The following PKHD1 variants were observed in gnomAD, a reference collection of about 807,000 sequenced individuals.
PKHD1 encodes fibrocystin.
In PKHD1, 291 loss-of-function variants were observed where a neutral mutation model predicts 412.0. The ratio of observed to expected loss-of-function variants is 0.71; its 90% CI spans 0.64 to 0.78. The LOEUF (loss-of-function observed/expected upper bound fraction) is 0.78. PKHD1 is among the 30% of genes least tolerant of loss of function. The pLI, the probability that PKHD1 is intolerant of heterozygous loss-of-function variation, is 0.00. For missense variants in PKHD1, 4,825 were observed against 4,950.7 expected, an observed-to-expected ratio of 0.97 and a Z score of 0.76; for synonymous variants, 1,777 against 1,821.5, an observed-to-expected ratio of 0.98 and a Z score of 0.62.
intron 41 of PKHD1, among the ~76,000 whole-genome samples, chr6:51,905,987 T>C (rs559361170): frequency 5.3e-5 from 8 of 152,302 alleles, no homozygotes; most frequent in African/African-American, 1.7e-4. Context: ...CATTATACAC[T>C]TATTAACCTG....
intron 53 of PKHD1, among the ~76,000 whole-genome samples, chr6:51,787,444 A>C (rs1198230240): frequency 6.6e-6 from 1 of 151,992 alleles, no homozygotes; most frequent in African/African-American, 2.4e-5. Context: ...GATAGCAGGC[A>C]TACTCTGGCA....
chr6:51,920,009 G>A (rs1784442883), intron 37 of PKHD1, among the ~76,000 whole-genome samples: 2 of 152,254 alleles, frequency 1.3e-5, no homozygotes, highest in Non-Finnish European at 2.9e-5. Context: ...TTGCTTATCA[G>A]CTTAAGGAGA....
chr6:51,767,307 C>A (rs189506925), intron 55 of PKHD1, among the ~76,000 whole-genome samples: 145 of 151,304 alleles, frequency 9.6e-4, no homozygotes, highest in South Asian at 6.3e-3. Context: ...ATTTTGGTGT[C>A]CCTCAGTATG....
In PKHD1 at chr6:51,801,639, T is replaced by TTGTGTGTGTGTGTG. The variant is rs140197286; in HGVS notation, c.8303-10280_8303-10267dup. ...GAAGAAAAACCATCTGCTGGCCTGATTGTGTGTGTGTGTGTGAGAGAGAGA... is the reference window on the plus strand; with the variant it reads ...GAAGAAAAACCATCTGCTGGCCTGATTGTGTGTGTGTGTGTGTGTGTGTGTGTGTGAGAGAGAGA... On this transcript the variant is annotated intron_variant, in intron 52 of 66. Coordinates refer to ENST00000371117, the MANE Select transcript of PKHD1 (RefSeq NM_138694.4). Among the ~76,000 whole-genome samples, 68 of 120,204 alleles carry TTGTGTGTGTGTGTG rather than the reference T, an allele frequency of 5.7e-4. 2 individuals carry two copies. Among genetic ancestry groups the TTGTGTGTGTGTGTG allele is most frequent in the African/African-American group, 1.7e-3 (54 of 32,160 alleles). The allele number at this position is 120,204 out of a possible 152,430, so 78.9% of individuals were successfully genotyped here.
intron 16 of PKHD1, among the ~76,000 whole-genome samples, chr6:52,057,632 G>A (rs2128210836): frequency 6.6e-6 from 1 of 152,288 alleles, no homozygotes; most frequent in East Asian, 1.9e-4. Context: ...GGCCAGGATG[G>A]TCTCGATCAC....
chr6:51,653,849 G>C (rs1276200008), intron 61 of PKHD1, among the ~76,000 whole-genome samples: 1 of 152,018 alleles, frequency 6.6e-6, no homozygotes, highest in Non-Finnish European at 1.5e-5. Context: ...ATTTTAATTG[G>C]TAAATCATTT....
chr6:51,801,055 T>C (rs772436900), intron 52 of PKHD1, among the ~76,000 whole-genome samples: 10 of 152,224 alleles, frequency 6.6e-5, no homozygotes, highest in Non-Finnish European at 1.5e-4. Context: ...AATGATCTAA[T>C]CTTCCTTTGT....
In PKHD1 at chr6:52,055,739, G is replaced by C. The variant is rs745911880; in HGVS notation, c.1694-10C>G. The C allele has an allele frequency of 6.6e-5, 107 of 1,613,486 alleles. 2 individuals are homozygous for C. The South Asian group carries it at 1.2e-3, about 17-fold the overall frequency. On this transcript the variant is annotated splice_polypyrimidine_tract_variant and intron_variant, in intron 18 of 66. Transcript: ENST00000371117. ...TTGGAAACTTCTGGGCCTGGATGCAGTTCAGATAAAATAGAAAGGCAGGCA... is the reference window on the plus strand; with the variant it reads ...TTGGAAACTTCTGGGCCTGGATGCACTTCAGATAAAATAGAAAGGCAGGCA...
intron 1 of PKHD1, 42 bp downstream of exon 1, chr6:52,087,392 C>T (rs568239284): frequency 6.6e-6 from 1 of 152,194 alleles, no homozygotes; most frequent in South Asian, 2.1e-4. Context: ...GATACAACAC[C>T]TAGAAAACAG....
At position 51,830,998 on chromosome 6, in the gene PKHD1, TA is replaced by T. The variant is rs566540835; in HGVS notation, c.8174-10del. ...AGGGGCAGAGGTAGAAGCTAGAAAA[TA>T]AAAAAAAATTTTGAAAATCTAATCC... On this transcript the variant is annotated splice_polypyrimidine_tract_variant and intron_variant, in intron 51 of 66. Coordinates refer to ENST00000371117, the MANE Select transcript of PKHD1 (RefSeq NM_138694.4). The T allele has an allele frequency of 7.7e-5, 123 of 1,603,912 alleles. No individual in the cohort carries two copies. The highest frequency in any genetic ancestry group is 1.3e-4 in the East Asian group (6 of 44,574).
chr6:51,772,111 C>T (rs1790241201), intron 55 of PKHD1, among the ~76,000 whole-genome samples: 2 of 152,072 alleles, frequency 1.3e-5, no homozygotes, highest in Non-Finnish European at 2.9e-5. Flanking sequence ...ACTAAAAAGA[C>T]ATATGACCCA....
Position 51,909,418 on chromosome 6 carries a change from T to A in PKHD1, c.6547A>T (p.Met2183Leu), listed in dbSNP as rs953788062. Residue 2183 changes from methionine to leucine, a missense_variant, in exon 40 of 67, where the codon ATG becomes TTG. Physicochemically the swap from Met to Leu is conservative, Grantham distance 15. Transcript: ENST00000371117. ...GACTGAACGATCACTCTGGCTCCCA[T>A]ATCCCTGGATCCTAGCATCTTCTCA... is the stretch of plus-strand genomic sequence containing the variant. The part of the protein sequence containing the change: ...MSEKMLGSRD[M>L]GARVIVQSFP... 3.1e-6 allele frequency: 5 copies of A among 1,613,372 alleles called. No individual in the cohort carries two copies. The African/African-American group carries it at 6.7e-5, about 22-fold the overall frequency.
At chr6:52,005,433 C>T (rs1798924885) in intron 35 of PKHD1, among the ~76,000 whole-genome samples, 1 of 152,200 alleles carries the variant, frequency 6.6e-6, no homozygotes, top group Non-Finnish European at 1.5e-5. Context: ...TCACACACAC[C>T]ATGCTCCTTG....
At position 51,867,873 on chromosome 6, in the gene PKHD1, A is replaced by G; in HGVS notation, c.7723T>C (p.Ser2575Pro). Residue 2575 changes from serine to proline, a missense_variant, in exon 48 of 67, where the codon TCT (serine) becomes CCT (proline). By Grantham distance (74) the Ser-to-Pro change is moderately conservative (BLOSUM62 -1). Coordinates refer to ENST00000371117, the MANE Select transcript of PKHD1 (RefSeq NM_138694.4). ...GTTAATTCCACTTACAAACCAATAGACATACGATGAAAAAGAACACCTCCT... is the reference window on the plus strand; with the variant it reads ...GTTAATTCCACTTACAAACCAATAGGCATACGATGAAAAAGAACACCTCCT... Reference protein sequence around the residue: ...CGGGVLFHRMSIGLANTPEVS... With the variant: ...CGGGVLFHRMPIGLANTPEVS... 6.2e-7 allele frequency: 1 copy of G among 1,613,276 alleles called. No homozygotes were observed. The highest frequency in any genetic ancestry group is 8.5e-7 in the Non-Finnish European group (1 of 1,179,362).
chr6:52,060,527 C>T (rs1808518965), intron 14 of PKHD1, among the ~76,000 whole-genome samples: 1 of 152,134 alleles, frequency 6.6e-6, no homozygotes. Flanking sequence ...AAAATGTCAA[C>T]AATTTCAAAT....
At chr6:51,772,126 T>A (rs890057335) in intron 55 of PKHD1, among the ~76,000 whole-genome samples, 3 of 152,118 alleles carry the variant, frequency 2.0e-5, no homozygotes, top group Non-Finnish European at 4.4e-5. Flanking sequence ...GACCCATAGA[T>A]AGCTTTTAAT....
At chr6:51,654,272 T>G (rs561343263) in intron 61 of PKHD1, among the ~76,000 whole-genome samples, 1 of 152,276 alleles carries the variant, frequency 6.6e-6, no homozygotes, top group South Asian at 2.1e-4. Context: ...GCTAAGCAGC[T>G]TCATAGAGAA....
intron 35 of PKHD1, chr6:51,976,077 A>C (rs1188174949): frequency 6.6e-6 from 1 of 152,056 alleles, no homozygotes; most frequent in Admixed American, 6.6e-5. Context: ...TGGTGCAATC[A>C]CAGGGGAAAA....
chr6:52,069,563 T>C, intron 10 of PKHD1, 36 bp from the exon 11 acceptor site: 1 of 1,531,682 alleles, frequency 6.5e-7, no homozygotes, highest in Non-Finnish European at 9.1e-7. Context: ...TGAATGAAAA[T>C]ATCAACTGGG....
Sources: allele counts gnomAD v4.1 joint callset (sites outside exome capture counted in the v4.1 genomes callset), GRCh38; gene constraint gnomAD v4.1.1; transcripts MANE v1.5; gene names NCBI Gene and HGNC (gene_info 2026-07-23, HGNC 2026-07-21).